The following NRXN1 variants were observed in gnomAD, a reference collection of about 807,000 sequenced individuals.
NRXN1 encodes the protein neurexin 1, also known as neurexin-1.
A neutral mutation model predicts 150.9 loss-of-function variants in NRXN1; 39 were observed. The ratio of observed to expected loss-of-function variants is 0.26; its 90% CI spans 0.20 to 0.34. NRXN1 has a LOEUF of 0.34. NRXN1 is among the 10% of genes least tolerant of loss of function. The probability of loss-of-function intolerance (pLI) is 1.00; values close to 1 mark genes in which losing one functional copy is unlikely to be tolerated. For synonymous variants in NRXN1, 924 were observed against 757.0 expected (o/e 1.22, Z -3.62); for missense variants, 1,815 against 1,949.9 (o/e 0.93, Z 1.30).
At chr2:50,473,154 A>T (rs1464484263) in intron 15 of NRXN1, among the ~76,000 whole-genome samples, 1 of 151,908 alleles carries the variant, frequency 6.6e-6, no homozygotes, top group Non-Finnish European at 1.5e-5. Flanking sequence ...TCTGTACATA[A>T]GTGGATATTG....
chr2:50,882,439 G>A (rs952405978), intron 5 of NRXN1, among the ~76,000 whole-genome samples: 1 of 151,920 alleles, frequency 6.6e-6, no homozygotes, highest in South Asian at 2.1e-4. Flanking sequence ...AAGAAAATAA[G>A]TTTCAAAGAA....
chr2:49,978,847 G>A (rs985188758), intron 21 of NRXN1, among the ~76,000 whole-genome samples: 10 of 152,112 alleles, frequency 6.6e-5, no homozygotes, highest in South Asian at 4.1e-4. Flanking sequence ...CAACTCCTTC[G>A]TTTTAGAGAT....
intron 2 of NRXN1, among the ~76,000 whole-genome samples, chr2:50,966,115 A>T (rs1694026914): frequency 6.6e-6 from 1 of 151,636 alleles, no homozygotes; most frequent in African/African-American, 2.4e-5. Context: ...TATTTAATTA[A>T]CCTAGTTATT....
chr2:50,608,114 G>T (rs1179023886), intron 8 of NRXN1, among the ~76,000 whole-genome samples: 2 of 151,784 alleles, frequency 1.3e-5, no homozygotes, highest in Admixed American at 6.6e-5. Context: ...AAGCCTCAGA[G>T]TCACTACTGA....
chr2:50,737,741 C>A (rs1249716556), intron 5 of NRXN1, among the ~76,000 whole-genome samples: 1 of 152,010 alleles, frequency 6.6e-6, no homozygotes, highest in African/African-American at 2.4e-5. Flanking sequence ...TTTAAAATCA[C>A]AGCATTAACT....
intron 22 of NRXN1, among the ~76,000 whole-genome samples, chr2:49,936,311 T>A (rs1300972999): frequency 6.6e-6 from 1 of 152,224 alleles, no homozygotes; most frequent in Non-Finnish European, 1.5e-5. Context: ...TTTACTCAGA[T>A]CAAATGCATA....
intron 17 of NRXN1, among the ~76,000 whole-genome samples, chr2:50,245,615 G>T (rs1362700733): frequency 6.6e-6 from 1 of 151,778 alleles, no homozygotes; most frequent in African/African-American, 2.4e-5. Flanking sequence ...TTATTAGCTG[G>T]TCGGTAGAAG....
intron 5 of NRXN1, among the ~76,000 whole-genome samples, chr2:50,701,081 A>G (rs1017872162): frequency 2.6e-5 from 4 of 152,226 alleles, no homozygotes; most frequent in African/African-American, 9.6e-5. Context: ...AAATTAAAAA[A>G]TAACTACATT....
chr2:50,204,973 A>G (rs964937961), intron 18 of NRXN1, among the ~76,000 whole-genome samples: 1 of 152,078 alleles, frequency 6.6e-6, no homozygotes, highest in Non-Finnish European at 1.5e-5. Context: ...AAAGTTTAAC[A>G]TGAATCATTC....
At chr2:50,157,551 A>G (rs2059099492) in intron 18 of NRXN1, among the ~76,000 whole-genome samples, 1 of 152,032 alleles carries the variant, frequency 6.6e-6, no homozygotes, top group Non-Finnish European at 1.5e-5. Context: ...ACTCAGAGGC[A>G]GATGCTGAAT....
At chr2:50,310,792 G>C (rs573015995) in intron 17 of NRXN1, among the ~76,000 whole-genome samples, 15 of 152,242 alleles carry the variant, frequency 9.9e-5, no homozygotes, top group South Asian at 4.1e-4. Flanking sequence ...TGATTCAACA[G>C]AGGAGAAAAT....
At chr2:50,070,887 A>G (rs75025551) in intron 19 of NRXN1, among the ~76,000 whole-genome samples, 1 of 152,186 alleles carries the variant, frequency 6.6e-6, no homozygotes, top group Non-Finnish European at 1.5e-5. Flanking sequence ...GAAATAGTTC[A>G]TTGCATAAAA....
At chr2:50,240,502 G>C (rs996019314) in intron 17 of NRXN1, among the ~76,000 whole-genome samples, 2 of 151,630 alleles carry the variant, frequency 1.3e-5, no homozygotes, top group African/African-American at 4.8e-5. Flanking sequence ...CACTGAGCTA[G>C]AAAATTACTC....
intron 18 of NRXN1, among the ~76,000 whole-genome samples, chr2:50,227,797 A>AC (rs2064544667): frequency 6.6e-6 from 1 of 152,050 alleles, no homozygotes; most frequent in Non-Finnish European, 1.5e-5. Flanking sequence ...ATACCTTCTA[A>AC]AAATTGCTGT....
In NRXN1 at chr2:50,354,554, CATATATATATATAT is replaced by C. The variant is rs71404946; in HGVS notation, c.3364+110874_3364+110887del. On this transcript the variant is annotated intron_variant, in intron 17 of 22. Coordinates refer to ENST00000401669, the MANE Select transcript of NRXN1 (RefSeq NM_001330078.2). ...ACTACCTTAGCGTCTAGAGTGCATA[CATATATATATATAT>C]ATATATATATATATATATACACACA... 2.2e-3 allele frequency among the ~76,000 whole-genome samples: 217 copies of C among 100,118 alleles called. 5 individuals are homozygous for C. In the East Asian group the frequency reaches 0.052, roughly 24 times the overall value. 65.7% of individuals were successfully genotyped at this position (100,118 alleles called of 152,430 possible). A position where few individuals can be genotyped will look rare whatever the true frequency, so the allele number is the denominator to read the frequency against.
At chr2:50,046,251 C>T (rs1271927632) in intron 21 of NRXN1, among the ~76,000 whole-genome samples, 4 of 152,260 alleles carry the variant, frequency 2.6e-5, no homozygotes, top group South Asian at 2.1e-4. Context: ...ATGGACCTCA[C>T]GATAACTCTC....
At chr2:50,570,561 T>A (rs908533798) in intron 8 of NRXN1, among the ~76,000 whole-genome samples, 3 of 152,146 alleles carry the variant, frequency 2.0e-5, no homozygotes, top group Non-Finnish European at 4.4e-5. Context: ...TTTGTGTGAA[T>A]CTTTGCTTTG....
rs141642615 is a variant in NRXN1 at position 50,761,896 on chromosome 2, A to G, written c.833-138281T>C. On this transcript the variant is annotated intron_variant, in intron 5 of 22. Transcript: ENST00000401669. ...CCTGCCCTCAAACATCAAACTCCAA[A>G]TTCTTCAGCTTTTGGACTCTTGGAC... Among the ~76,000 whole-genome samples the G allele has an allele frequency of 7.2e-3, 1,092 of 151,796 alleles. 12 individuals carry two copies. Among genetic ancestry groups the G allele is most frequent in the African/African-American group, 0.025 (1,051 of 41,434 alleles).
intron 5 of NRXN1, among the ~76,000 whole-genome samples, chr2:50,879,595 A>G (rs994111523): frequency 2.6e-5 from 4 of 151,948 alleles, no homozygotes; most frequent in Non-Finnish European, 4.4e-5. Flanking sequence ...GATCTAAAGG[A>G]AAAGAATAGG....
Sources: gnomAD v4.1 joint callset for allele counts (sites outside exome capture counted in the v4.1 genomes callset) on GRCh38, gnomAD v4.1.1 for gene constraint, MANE v1.5 for transcripts, NCBI Gene and HGNC (gene_info 2026-07-23, HGNC 2026-07-21) for gene names.